GDAP1L1: variants seen among roughly 807,000 people sequenced by gnomAD.
GDAP1L1 encodes ganglioside-induced differentiation-associated protein 1-like 1.
In GDAP1L1, 21 loss-of-function variants were observed where a neutral mutation model predicts 37.1. That is an observed-to-expected ratio of 0.57 (90% CI 0.40 to 0.81). The LOEUF (loss-of-function observed/expected upper bound fraction) is 0.81, where lower values mean the gene tolerates loss of function less well. GDAP1L1 is among the 40% of genes least tolerant of loss of function. The pLI is 0.00. For synonymous variants in GDAP1L1, 193 were observed against 209.1 expected, an observed-to-expected ratio of 0.92 and a Z score of 0.67; for missense variants, 362 against 491.6, an observed-to-expected ratio of 0.74 and a Z score of 2.49.
chr20:44,276,448 G>GAAAGAAAGAA (rs2062581037), intron 5 of GDAP1L1, among the ~76,000 whole-genome samples: 1 of 142,134 alleles, frequency 7.0e-6, no homozygotes, highest in African/African-American at 2.5e-5. Flanking sequence ...AAGAAAGAAA[G>GAAAGAAAGAA]AAAGAAAGAA....
chr20:44,247,961 C>T (rs2073365607), intron 1 of GDAP1L1, among the ~76,000 whole-genome samples: 1 of 152,066 alleles, frequency 6.6e-6, no homozygotes, highest in Non-Finnish European at 1.5e-5. Context: ...GCTGCCGTCC[C>T]GGACACTGCA....
At chr20:44,261,407 G>A (rs1324172544) in intron 3 of GDAP1L1, among the ~76,000 whole-genome samples, 3 of 152,224 alleles carry the variant, frequency 2.0e-5, no homozygotes, top group Non-Finnish European at 4.4e-5. Flanking sequence ...CAGGACAGGA[G>A]ATGGGGCAGT....
intron 3 of GDAP1L1, among the ~76,000 whole-genome samples, chr20:44,261,152 G>T (rs184167255): frequency 1.2e-4 from 19 of 152,242 alleles, no homozygotes; most frequent in African/African-American, 4.6e-4. Flanking sequence ...CCAGCTGGGG[G>T]ATGAGAGGAG....
chr20:44,279,193 C>T lies in GDAP1L1; in HGVS notation c.997C>T (p.Leu333=), dbSNP rs758289669. The part of the protein sequence containing the change: ...LSAVIPNAFR[L]VKRKPPSFFG... The stretch of plus-strand genomic sequence containing the variant: ...GGCCGTCATCCCCAATGCTTTCCGG[C>T]TGGTCAAGAGGAAACCCCCATCCTT... Residue 333 remains leucine (L), a synonymous_variant, in exon 6 of 6, where the codon CTG becomes TTG. Transcript: ENST00000342560. The T allele has an allele frequency of 2.5e-6, 4 of 1,614,144 alleles. No individual in the cohort carries two copies. The Admixed American group carries it at 5.0e-5, about 20-fold the overall frequency.
At chr20:44,273,171 C>T (rs2062537993) in intron 5 of GDAP1L1, among the ~76,000 whole-genome samples, 1 of 152,184 alleles carries the variant, frequency 6.6e-6, no homozygotes, top group African/African-American at 2.4e-5. Flanking sequence ...TGAGGTTTCA[C>T]TAAGTTACTT....
At chr20:44,250,928 G>A (rs144210225) in intron 1 of GDAP1L1, among the ~76,000 whole-genome samples, 172 of 152,126 alleles carry the variant, frequency 1.1e-3, no homozygotes, top group African/African-American at 4.0e-3. Context: ...TTCTCAGCAG[G>A]GAAATGAACC....
chr20:44,260,215 T>C (rs2073646921), intron 3 of GDAP1L1, among the ~76,000 whole-genome samples: 1 of 151,822 alleles, frequency 6.6e-6, no homozygotes, highest in South Asian at 2.1e-4. Context: ...ACTGTGCAGA[T>C]GTTTTTAAAA....
At chr20:44,247,794 T>TGGGGGGGGGGGGGGGGGG (rs915847917) in intron 1 of GDAP1L1, among the ~76,000 whole-genome samples, 3 of 98,732 alleles carry the variant, frequency 3.0e-5, no homozygotes, top group African/African-American at 9.9e-5. Flanking sequence ...CGGGGCGGGT[T>TGGGGGGGGGGGGGGGGGG]GGGGGGGCTG....
At chr20:44,254,848 G>T (rs1044255249) in intron 1 of GDAP1L1, among the ~76,000 whole-genome samples, 1 of 152,130 alleles carries the variant, frequency 6.6e-6, no homozygotes, top group Admixed American at 6.5e-5. Flanking sequence ...TCACTGTGAG[G>T]GTGGGGCATG....
intron 5 of GDAP1L1, among the ~76,000 whole-genome samples, chr20:44,272,254 G>A (rs947830726): frequency 2.0e-5 from 3 of 152,180 alleles, no homozygotes; most frequent in Non-Finnish European, 4.4e-5. Context: ...GGGCTTGGCC[G>A]TGGGGTTAGG....
Position 44,280,264 on chromosome 20 carries a change from C to T in GDAP1L1, c.*964C>T, listed in dbSNP as rs41282024. ...GTCTCTGCATCCATGCCACCCACCCCAGTCGGGTCTCACTTTCCTGTGCCT... is the reference window on the plus strand; with the variant it reads ...GTCTCTGCATCCATGCCACCCACCCTAGTCGGGTCTCACTTTCCTGTGCCT... On this transcript the variant is annotated 3_prime_UTR_variant, in exon 6 of 6. Transcript: ENST00000342560. 2 of 157,254 alleles carry T rather than the reference C, an allele frequency of 1.3e-5. No homozygotes were observed. Among genetic ancestry groups the T allele is most frequent in the East Asian group, 1.9e-4 (1 of 5,304 alleles). 9.7% of individuals were successfully genotyped at this position (157,254 alleles called of 1,614,324 possible).
intron 1 of GDAP1L1, among the ~76,000 whole-genome samples, chr20:44,254,488 T>C (rs2073503078): frequency 6.6e-6 from 1 of 152,226 alleles, no homozygotes; most frequent in Non-Finnish European, 1.5e-5. Flanking sequence ...GAGCCAGCCC[T>C]GTCTCCTGCC....
intron 5 of GDAP1L1, among the ~76,000 whole-genome samples, chr20:44,272,982 C>T (rs1171408597): frequency 6.6e-6 from 1 of 152,204 alleles, no homozygotes; most frequent in East Asian, 1.9e-4. Context: ...GAGATCTGCA[C>T]ACAGACCTGA....
intron 1 of GDAP1L1, among the ~76,000 whole-genome samples, chr20:44,256,398 G>A (rs536970185): frequency 2.0e-5 from 3 of 152,270 alleles, no homozygotes; most frequent in Non-Finnish European, 2.9e-5. Flanking sequence ...GACCAGGCAC[G>A]GTGGCTAACA....
chr20:44,279,806 A>G lies in GDAP1L1; in HGVS notation c.*506A>G. 1 of 471,340 alleles carries G rather than the reference A, an allele frequency of 2.1e-6. No homozygotes were observed. The highest frequency in any genetic ancestry group is 4.4e-6 in the Non-Finnish European group (1 of 227,088). The allele number at this position is 471,340 out of a possible 1,614,324, so 29.2% of individuals were successfully genotyped here. A position where few individuals can be genotyped will look rare whatever the true frequency, so the allele number is the denominator to read the frequency against. On this transcript the variant is annotated 3_prime_UTR_variant, in exon 6 of 6. Coordinates refer to ENST00000342560, the MANE Select transcript of GDAP1L1 (RefSeq NM_024034.6). The stretch of plus-strand genomic sequence containing the variant: ...ATGGGGCTGGATAACCGGAGACCCC[A>G]TGGGAGGTCCCTGAAGATCAGAAGG...
chr20:44,254,651 G>A (rs1221484129), intron 1 of GDAP1L1, among the ~76,000 whole-genome samples: 1 of 152,244 alleles, frequency 6.6e-6, no homozygotes, highest in Non-Finnish European at 1.5e-5. Flanking sequence ...CATTGCTATG[G>A]CAGATCCAAG....
intron 5 of GDAP1L1, among the ~76,000 whole-genome samples, chr20:44,278,077 C>G (rs999695494): frequency 2.7e-5 from 4 of 149,676 alleles, no homozygotes; most frequent in Non-Finnish European, 5.9e-5. Context: ...TTGCTTGAAC[C>G]TGGGAGGTAG....
intron 2 of GDAP1L1, 43 bp downstream of exon 2, chr20:44,257,388 A>T: frequency 6.4e-7 from 1 of 1,568,838 alleles, no homozygotes; most frequent in South Asian, 1.2e-5. Context: ...CATACCACAG[A>T]TCCTCAGGGG....
At chr20:44,272,347 A>G (rs1263793976) in intron 5 of GDAP1L1, among the ~76,000 whole-genome samples, 1 of 152,158 alleles carries the variant, frequency 6.6e-6, no homozygotes, top group East Asian at 1.9e-4. Flanking sequence ...CATCTCTGAA[A>G]GCTGCTATCT....
Sources: gnomAD v4.1 joint callset for allele counts (sites outside exome capture counted in the v4.1 genomes callset) on GRCh38, gnomAD v4.1.1 for gene constraint, MANE v1.5 for transcripts, NCBI Gene and HGNC (gene_info 2026-07-23, HGNC 2026-07-21) for gene names.